Variants in BICD1 observed in about 807,000 individuals in gnomAD.
BICD1 encodes protein bicaudal D homolog 1.
BICD1 carries 35 observed loss-of-function variants against 92.5 expected under a neutral mutation model. The ratio of observed to expected loss-of-function variants is 0.38; its 90% CI spans 0.29 to 0.50. The LOEUF (loss-of-function observed/expected upper bound fraction) is 0.50. Among genes scored for constraint, BICD1 ranks in the 20% least tolerant of loss-of-function variants. The pLI, the probability that BICD1 is intolerant of heterozygous loss-of-function variation, is 0.93. For synonymous variants in BICD1, 429 were observed against 465.1 expected, an observed-to-expected ratio of 0.92 and a Z score of 1.00; for missense variants, 950 against 1,189.8, an observed-to-expected ratio of 0.80 and a Z score of 2.97.
At chr12:32,184,314 A>G (rs1944366426) in intron 1 of BICD1, among the ~76,000 whole-genome samples, 1 of 152,074 alleles carries the variant, frequency 6.6e-6, no homozygotes, top group Admixed American at 6.6e-5. Context: ...TTGAGATGGA[A>G]TCTTGCTCTG....
intron 1 of BICD1, among the ~76,000 whole-genome samples, chr12:32,207,144 G>T (rs1401994800): frequency 6.6e-6 from 1 of 152,218 alleles, no homozygotes; most frequent in Admixed American, 6.5e-5. Flanking sequence ...TCTTGGTCCC[G>T]TTCTTAAACT....
chr12:32,135,696 C>T (rs1269202975), intron 1 of BICD1, among the ~76,000 whole-genome samples: 1 of 152,126 alleles, frequency 6.6e-6, no homozygotes, highest in African/African-American at 2.4e-5. Context: ...CTTCACCTTT[C>T]TTTTAGAAAG....
chr12:32,165,389 G>T (rs1393912967), intron 1 of BICD1, among the ~76,000 whole-genome samples: 2 of 152,128 alleles, frequency 1.3e-5, no homozygotes, highest in African/African-American at 2.4e-5. Context: ...GGTGGCGGGC[G>T]CTTGTAGTCC....
intron 2 of BICD1, among the ~76,000 whole-genome samples, chr12:32,287,817 A>C (rs915327211): frequency 7.9e-5 from 12 of 152,286 alleles, no homozygotes; most frequent in African/African-American, 2.9e-4. Flanking sequence ...GATTGCAGGC[A>C]TGAGCCACTG....
intron 8 of BICD1, among the ~76,000 whole-genome samples, chr12:32,359,866 C>A (rs990537027): frequency 6.6e-6 from 1 of 152,102 alleles, no homozygotes; most frequent in Non-Finnish European, 1.5e-5. Flanking sequence ...TCATCAACTT[C>A]CATTTCTCCT....
chr12:32,374,561 CT>C (rs1161091507), intron 9 of BICD1, among the ~76,000 whole-genome samples: 6 of 135,176 alleles, frequency 4.4e-5, no homozygotes, highest in Non-Finnish European at 9.3e-5. Flanking sequence ...ATTTTCTTTT[CT>C]TTCTTCTTTT....
rs1229575001 is a variant in BICD1 at position 32,337,309 on chromosome 12, A to G, written c.2253-190A>G. ...AATAAATTTTTTAAAAATGTCCCAT[A>G]TATCTCATTGTATGGATGAACATAT... is the stretch of plus-strand genomic sequence containing the variant. On this transcript the variant is annotated intron_variant, in intron 6 of 9. Transcript: ENST00000652176. This position sits in a 1 kb window ranked among gnomAD's most constrained non-coding sequence, Gnocchi z 4.7. 6.6e-6 allele frequency among the ~76,000 whole-genome samples: 1 copy of G among 152,194 alleles called. No individual in the cohort carries two copies. Among genetic ancestry groups the G allele is most frequent in the Non-Finnish European group, 1.5e-5 (1 of 68,034 alleles).
rs1418278594 is a variant in BICD1, at chr12:32,335,033, G to T, written c.2252+366G>T. On this transcript the variant is annotated intron_variant, in intron 6 of 9. Coordinates refer to ENST00000652176, the MANE Select transcript of BICD1 (RefSeq NM_001714.4). ...AGAATAGCTAAATATTATCACCTCTGAAATAGAGTTCTGTGAAGGAAGTAC... is the reference window on the plus strand; with the variant it reads ...AGAATAGCTAAATATTATCACCTCTTAAATAGAGTTCTGTGAAGGAAGTAC... Among the ~76,000 whole-genome samples the T allele has an allele frequency of 1.3e-5, 2 of 152,146 alleles. 1 individual carries two copies. The highest frequency in any genetic ancestry group is 4.8e-5 in the African/African-American group (2 of 41,416).
intron 8 of BICD1, among the ~76,000 whole-genome samples, chr12:32,360,047 T>G (rs941946000): frequency 6.6e-6 from 1 of 151,716 alleles, no homozygotes; most frequent in African/African-American, 2.4e-5. Flanking sequence ...TAGCCAGGCG[T>G]GGTGGTGGGT....
chr12:32,304,933 G>A (rs1948171317), intron 3 of BICD1, among the ~76,000 whole-genome samples: 1 of 152,168 alleles, frequency 6.6e-6, no homozygotes, highest in Non-Finnish European at 1.5e-5. Context: ...GAAATGGGAA[G>A]ATCACTTGAG....
rs1426778586 is a variant in BICD1 at position 32,380,842 on chromosome 12, A to C, written c.*3215A>C. On this transcript the variant is annotated 3_prime_UTR_variant, in exon 10 of 10. Transcript: ENST00000652176. ...TCTTCAAGAAAAGAATATTTAACAA[A>C]TGATAGATATCAGCTATAGATATTG... The C allele has an allele frequency of 1.5e-5, 2 of 132,254 alleles. No individual in the cohort carries two copies. Among genetic ancestry groups the C allele is most frequent in the East Asian group, 4.2e-4 (2 of 4,760 alleles). The allele number at this position is 132,254 out of a possible 1,614,324, so 8.2% of individuals were successfully genotyped here.
intron 2 of BICD1, among the ~76,000 whole-genome samples, chr12:32,271,987 T>A (rs553245075): frequency 5.9e-5 from 9 of 152,256 alleles, no homozygotes; most frequent in Admixed American, 4.6e-4. Context: ...TTCCTTAATC[T>A]CTCTGGGCCT....
At chr12:32,266,888 G>A (rs911884337) in intron 2 of BICD1, among the ~76,000 whole-genome samples, 3 of 151,686 alleles carry the variant, frequency 2.0e-5, no homozygotes, top group Non-Finnish European at 4.4e-5. Flanking sequence ...GAATGAGCAC[G>A]AAGTTAATGA....
At chr12:32,173,573 A>T (rs949543824) in intron 1 of BICD1, among the ~76,000 whole-genome samples, 6 of 152,218 alleles carry the variant, frequency 3.9e-5, no homozygotes, top group African/African-American at 1.4e-4. Flanking sequence ...ACGAAAAAAT[A>T]ATGGCTAGAG....
intron 2 of BICD1, among the ~76,000 whole-genome samples, chr12:32,290,391 G>T (rs755819496): frequency 2.2e-4 from 33 of 152,336 alleles, no homozygotes; most frequent in Non-Finnish European, 2.5e-4. Context: ...CCCTGCCCAA[G>T]TTAGGATCTA....
chr12:32,111,959 T>A, intron 1 of BICD1, among the ~76,000 whole-genome samples: 1 of 152,064 alleles, frequency 6.6e-6, no homozygotes. Flanking sequence ...TTCAATCACA[T>A]TTCTTTTTTT....
chr12:32,314,911 G>A (rs1948461095), intron 4 of BICD1, among the ~76,000 whole-genome samples: 2 of 152,202 alleles, frequency 1.3e-5, no homozygotes, highest in South Asian at 4.2e-4. Flanking sequence ...CTTCTGAGTA[G>A]CTGGGACTAC....
chr12:32,113,626 CTTT>C (rs1565522523), intron 1 of BICD1, among the ~76,000 whole-genome samples: 1 of 151,880 alleles, frequency 6.6e-6, no homozygotes, highest in Non-Finnish European at 1.5e-5. Flanking sequence ...CCACTGCAAC[CTTT>C]GCCTCCTGGG....
At chr12:32,316,194 G>GT (rs1948496715) in intron 4 of BICD1, among the ~76,000 whole-genome samples, 3 of 151,612 alleles carry the variant, frequency 2.0e-5, no homozygotes, top group South Asian at 4.2e-4. Flanking sequence ...GTAGGCTAAC[G>GT]TAAGTGTTCT....
Sources: gnomAD v4.1 joint callset for allele counts (sites outside exome capture counted in the v4.1 genomes callset) on GRCh38, gnomAD v4.1.1 for gene constraint, Gnocchi (gnomAD v3.1) non-coding constraint, MANE v1.5 for transcripts, NCBI Gene and HGNC (gene_info 2026-07-23, HGNC 2026-07-21) for gene names.